SLC14A2: variants seen among roughly 807,000 people sequenced by gnomAD.
SLC14A2 encodes the protein urea transporter 2.
Under a neutral mutation model 104.6 loss-of-function variants are expected in SLC14A2, and 91 were observed. That is an observed-to-expected ratio of 0.87 (90% CI 0.73 to 1.04). The LOEUF (loss-of-function observed/expected upper bound fraction) is 1.04. Among genes scored for constraint, SLC14A2 ranks in the 50% least tolerant of loss-of-function variants. The probability of loss-of-function intolerance (pLI) is 0.00; values close to 1 mark genes in which losing one functional copy is unlikely to be tolerated. For missense variants in SLC14A2, 1,189 were observed against 1,156.0 expected (o/e 1.03, Z -0.41); for synonymous variants, 476 against 466.4 (o/e 1.02, Z -0.27).
At chr18:45,321,896 CCT>C (rs1183726858) in intron 1 of SLC14A2, among the ~76,000 whole-genome samples, 3 of 152,070 alleles carry the variant, frequency 2.0e-5, no homozygotes, top group Non-Finnish European at 4.4e-5. Context: ...TCTGCAGTGC[CCT>C]GTCAACTGAG....
intron 4 of SLC14A2, 71 bp downstream of exon 4, chr18:45,627,218 A>G: frequency 1.4e-6 from 2 of 1,415,314 alleles, no homozygotes; most frequent in Non-Finnish European, 2.0e-6. Flanking sequence ...TACTTGAGTA[A>G]TCAGTCAACC....
intron 2 of SLC14A2, among the ~76,000 whole-genome samples, chr18:45,486,710 C>G (rs1051725142): frequency 1.3e-5 from 2 of 152,198 alleles, no homozygotes; most frequent in Non-Finnish European, 2.9e-5. Context: ...ACTCCTCATC[C>G]TGTTGTATGG....
chr18:45,290,451 T>C (rs993748941), intron 1 of SLC14A2, among the ~76,000 whole-genome samples: 13 of 152,226 alleles, frequency 8.5e-5, no homozygotes, highest in African/African-American at 3.1e-4. Flanking sequence ...ATGGCTGAGG[T>C]TGGCATGCAA....
At position 45,231,441 on chromosome 18, in the gene SLC14A2, G is replaced by A. The variant is rs373236363; in HGVS notation, c.-125+18250G>A. On this transcript the variant is annotated intron_variant, in intron 1 of 20. Transcript: ENST00000586448. The stretch of plus-strand genomic sequence containing the variant: ...AGGTCTTGAACCCCTGGCCTCAAGC[G>A]ATCTTCCTGCCTTGGCCTCCCAAAT... Among the ~76,000 whole-genome samples the A allele has an allele frequency of 1.1e-4, 16 of 152,182 alleles. No homozygotes were observed. The East Asian group carries it at 1.7e-3, about 17-fold the overall frequency.
rs539192440 is a variant in SLC14A2, at chr18:45,413,383, T to C, written c.-124-69850T>C. Among the ~76,000 whole-genome samples, 35 of 152,166 alleles carry C rather than the reference T, an allele frequency of 2.3e-4. No homozygotes were observed. In the South Asian group the frequency reaches 7.1e-3, roughly 31 times the overall value. The stretch of plus-strand genomic sequence containing the variant: ...TAAAATTGTAGAGATACTTGTAGGG[T>C]TGTGTTGCAATATGATGAGGAGGCC... On this transcript the variant is annotated intron_variant, in intron 1 of 20. Coordinates refer to the SLC14A2 transcript ENST00000586448.
In SLC14A2 at chr18:45,371,031, G is replaced by T. The variant is rs554197642; in HGVS notation, c.-124-112202G>T. 8.5e-5 allele frequency among the ~76,000 whole-genome samples: 13 copies of T among 152,276 alleles called. No homozygotes were observed. In the East Asian group the frequency reaches 2.3e-3, roughly 27 times the overall value. ...AGAAGACAGGCCAGAGAGGCGGGCT[G>T]ATGGAATAATCTGTTGTACCCCAAG... is the stretch of plus-strand genomic sequence containing the variant. On this transcript the variant is annotated intron_variant, in intron 1 of 20. Coordinates refer to the SLC14A2 transcript ENST00000586448.
chr18:45,392,248 A>G (rs9304316), intron 1 of SLC14A2, among the ~76,000 whole-genome samples: 10,670 of 152,154 alleles, frequency 0.07, 977 homozygotes, highest in African/African-American at 0.2. Context: ...GGTCTCCCCA[A>G]CACACATGCT....
At chr18:45,474,941 G>T (rs959594073) in intron 1 of SLC14A2, among the ~76,000 whole-genome samples, 2 of 151,908 alleles carry the variant, frequency 1.3e-5, no homozygotes, top group African/African-American at 4.8e-5. Flanking sequence ...GTTTGCTCTT[G>T]CTTCTCTAGT....
At chr18:45,448,051 G>C (rs2086798236) in intron 1 of SLC14A2, among the ~76,000 whole-genome samples, 1 of 152,336 alleles carries the variant, frequency 6.6e-6, no homozygotes, top group East Asian at 1.9e-4. Context: ...TGTGTTAATA[G>C]ATTATCCATG....
rs1299894303 is a variant in SLC14A2 at position 45,669,293 on chromosome 18, C to T, written c.2037-13C>T. The T allele has an allele frequency of 1.2e-6, 2 of 1,605,812 alleles. No individual in the cohort carries two copies. On this transcript the variant is annotated splice_polypyrimidine_tract_variant and intron_variant, in intron 15 of 19. Transcript: ENST00000255226. Reference sequence around the variant, plus strand: ...GGCTTCCTGACCAGCATCTCTCATGCTTCTGCCATCAGCCCCATCCTCTCC... The same window carrying T: ...GGCTTCCTGACCAGCATCTCTCATGTTTCTGCCATCAGCCCCATCCTCTCC...
intron 2 of SLC14A2, among the ~76,000 whole-genome samples, chr18:45,548,345 A>G (rs1048144890): frequency 6.6e-6 from 1 of 152,236 alleles, no homozygotes; most frequent in African/African-American, 2.4e-5. Context: ...CCCTGAGAGG[A>G]TGGACCACAG....
intron 1 of SLC14A2, among the ~76,000 whole-genome samples, chr18:45,375,249 C>G (rs1422214966): frequency 2.6e-5 from 4 of 152,172 alleles, no homozygotes; most frequent in African/African-American, 9.7e-5. Context: ...AAGTTAGCCA[C>G]AAGATTAAAA....
intron 1 of SLC14A2, among the ~76,000 whole-genome samples, chr18:45,419,166 G>A (rs1170878351): frequency 6.6e-6 from 1 of 152,222 alleles, no homozygotes; most frequent in East Asian, 1.9e-4. Flanking sequence ...ATTATTATAA[G>A]AGTGCTATCC....
chr18:45,591,430 G>A (rs2044644864), intron 2 of SLC14A2, among the ~76,000 whole-genome samples: 1 of 152,132 alleles, frequency 6.6e-6, no homozygotes. Flanking sequence ...CCGCCTCCCG[G>A]GTTCAAGCAG....
intron 2 of SLC14A2, among the ~76,000 whole-genome samples, chr18:45,568,970 AT>A (rs2044307088): frequency 5.9e-5 from 9 of 152,228 alleles, no homozygotes; most frequent in Non-Finnish European, 1.5e-5. Context: ...GTAAGCTGTT[AT>A]GGACTGAGAG....
chr18:45,306,205 G>A (rs1241401701), intron 1 of SLC14A2, among the ~76,000 whole-genome samples: 1 of 152,080 alleles, frequency 6.6e-6, no homozygotes, highest in Non-Finnish European at 1.5e-5. Flanking sequence ...GGAATGTTGG[G>A]CCACTGGGTA....
At chr18:45,276,389 T>C (rs915124011) in intron 1 of SLC14A2, among the ~76,000 whole-genome samples, 1 of 152,208 alleles carries the variant, frequency 6.6e-6, no homozygotes, top group Non-Finnish European at 1.5e-5. Flanking sequence ...CTTTGAAATC[T>C]AAGGAAGTCA....
intron 1 of SLC14A2, among the ~76,000 whole-genome samples, chr18:45,420,454 G>A (rs900755334): frequency 1.4e-4 from 21 of 152,150 alleles, no homozygotes; most frequent in African/African-American, 5.1e-4. Context: ...TGGGAAGGGG[G>A]CATGTCTTGG....
chr18:45,672,889 T>C lies in SLC14A2; in HGVS notation c.2230-11T>C, dbSNP rs761313860. The C allele has an allele frequency of 6.2e-7, 1 of 1,611,300 alleles. No homozygotes were observed. Among genetic ancestry groups the C allele is most frequent in the Non-Finnish European group, 8.5e-7 (1 of 1,178,690 alleles). ...CTCCATAATGAGCATGTAATCCTGT[T>C]ATGCCTACAGCTTTTGAGAGCCATC... On this transcript the variant is annotated splice_polypyrimidine_tract_variant and intron_variant, in intron 16 of 19. Coordinates refer to ENST00000255226, the MANE Select transcript of SLC14A2 (RefSeq NM_007163.4).
Sources: gnomAD v4.1 joint callset for allele counts (sites outside exome capture counted in the v4.1 genomes callset) on GRCh38, gnomAD v4.1.1 for gene constraint, MANE v1.5 for transcripts, NCBI Gene and HGNC (gene_info 2026-07-23, HGNC 2026-07-21) for gene names.